Variants in FAM120A observed in about 807,000 individuals in gnomAD.
The protein encoded by FAM120A is constitutive coactivator of PPAR-gamma-like protein 1.
FAM120A carries 15 observed loss-of-function variants against 109.7 expected under a neutral mutation model. That is an observed-to-expected ratio of 0.14 (90% CI 0.09 to 0.21). The LOEUF is 0.21. Ranked by LOEUF, FAM120A falls within the 10% of genes least tolerant of loss-of-function variation. FAM120A has a pLI of 1.00. For synonymous variants in FAM120A, 493 were observed against 572.8 expected, an observed-to-expected ratio of 0.86 and a Z score of 1.99; for missense variants, 899 against 1,439.3, an observed-to-expected ratio of 0.62 and a Z score of 6.07.
In FAM120A at chr9:93,452,029, G is replaced by A. The variant is rs1372492919; in HGVS notation, c.114G>A (p.Arg38=). The A allele has an allele frequency of 2.6e-6, 4 of 1,563,804 alleles. No individual in the cohort carries two copies. The highest frequency in any genetic ancestry group is 1.4e-5 in the African/African-American group (1 of 73,940). Residue 38 remains arginine, a synonymous_variant, in exon 1 of 18, where the codon CGG becomes CGA. Transcript: ENST00000277165. The surrounding 1 kb of genome is among the most constrained non-coding windows in gnomAD (Gnocchi z 7.0). ...GCCTGGTGGGCGGCGGGCGGCAGCGGCCCCCGCAGACCCCGCTGCGCCTGC... is the reference window on the plus strand; with the variant it reads ...GCCTGGTGGGCGGCGGGCGGCAGCGACCCCCGCAGACCCCGCTGCGCCTGC... ...RGSLVGGGRQ[R]PPQTPLRLLV...
intron 7 of FAM120A, among the ~76,000 whole-genome samples, chr9:93,526,646 C>T (rs1405408787): frequency 6.6e-6 from 1 of 152,200 alleles, no homozygotes; most frequent in East Asian, 1.9e-4. Flanking sequence ...TCAGATTTTC[C>T]AGTTCGAGTC....
intron 7 of FAM120A, among the ~76,000 whole-genome samples, chr9:93,519,362 C>G (rs1468164768): frequency 6.6e-6 from 1 of 152,088 alleles, no homozygotes; most frequent in Non-Finnish European, 1.5e-5. Flanking sequence ...CTGCCCCAGC[C>G]TCCTGACTAG....
At chr9:93,548,287 T>C (rs563435600) in intron 11 of FAM120A, among the ~76,000 whole-genome samples, 1 of 152,108 alleles carries the variant, frequency 6.6e-6, no homozygotes, top group South Asian at 2.1e-4. Flanking sequence ...TGTTTTTGTA[T>C]TTTTAGTAGA....
intron 12 of FAM120A, 140 bp downstream of exon 12, chr9:93,550,831 T>A (rs1263373685): frequency 1.7e-6 from 1 of 604,802 alleles, no homozygotes; most frequent in South Asian, 2.1e-5. Context: ...ACTAATATGA[T>A]AAGAACTTGA....
chr9:93,476,146 A>T (rs962149721), intron 2 of FAM120A, 110 bp from the exon 3 acceptor site: 1 of 651,684 alleles, frequency 1.5e-6, no homozygotes, highest in Non-Finnish European at 2.7e-6. Context: ...ATTTGTTCTC[A>T]GTTTCTGTTT....
chr9:93,505,199 T>G (rs532473225), intron 5 of FAM120A, among the ~76,000 whole-genome samples: 2 of 152,118 alleles, frequency 1.3e-5, no homozygotes, highest in East Asian at 3.9e-4. Flanking sequence ...TAGCTGGGAC[T>G]ACAGGCACTC....
intron 10 of FAM120A, among the ~76,000 whole-genome samples, chr9:93,542,625 G>A (rs1420673321): frequency 6.6e-6 from 1 of 152,176 alleles, no homozygotes; most frequent in Non-Finnish European, 1.5e-5. Context: ...GAATTACTGT[G>A]TGCTGGCATC....
chr9:93,522,576 T>C (rs796762345), intron 7 of FAM120A, among the ~76,000 whole-genome samples: 2 of 152,346 alleles, frequency 1.3e-5, no homozygotes, highest in African/African-American at 4.8e-5. Flanking sequence ...CTTTAATATT[T>C]TTGCATAAAA....
chr9:93,473,748 G>A (rs1858419985), intron 2 of FAM120A, among the ~76,000 whole-genome samples: 1 of 152,208 alleles, frequency 6.6e-6, no homozygotes, highest in Non-Finnish European at 1.5e-5. Context: ...GAACTCTTGT[G>A]CCTTTGGGGA....
At chr9:93,453,321 A>G in intron 1 of FAM120A, 1 of 986,710 alleles carries the variant, frequency 1.0e-6, no homozygotes, top group South Asian at 4.6e-5. Context: ...GCACTGGGCC[A>G]GAGGAGAACT....
chr9:93,552,372 T>C (rs1288853115), intron 12 of FAM120A, among the ~76,000 whole-genome samples: 1 of 152,228 alleles, frequency 6.6e-6, no homozygotes, highest in African/African-American at 2.4e-5. Flanking sequence ...TGTAGAGATA[T>C]GCTCAGAAAG....
rs1260715283 is a variant in FAM120A at position 93,532,428 on chromosome 9, G to A, written c.1909+99G>A. 2.5e-5 allele frequency: 34 copies of A among 1,387,392 alleles called. No individual in the cohort carries two copies. The highest frequency in any genetic ancestry group is 2.3e-4 in the Middle Eastern group (1 of 4,386). The allele number at this position is 1,387,392 out of a possible 1,614,324, so 85.9% of individuals were successfully genotyped here. On this transcript the variant is annotated intron_variant, in intron 10 of 17. Transcript: ENST00000277165. The surrounding 1 kb of genome is among the most constrained non-coding windows in gnomAD (Gnocchi z 4.3). ...GAAGAATCATGACTGAGTTGACCCC[G>A]AGTGCCTCTGTGTAAAGGAGGTGGG...
rs187200231 is a variant in FAM120A at position 93,461,266 on chromosome 9, G to A, written c.474+8877G>A. ...TATACTAGAGGGTTTATTGCTGGAG[G>A]GTTGACTTCACAGGTCTGAAGTACA... On this transcript the variant is annotated intron_variant, in intron 1 of 17. Coordinates refer to ENST00000277165, the MANE Select transcript of FAM120A (RefSeq NM_014612.5). Among the ~76,000 whole-genome samples the A allele has an allele frequency of 1.1e-4, 17 of 152,284 alleles. No individual in the cohort carries two copies. In the East Asian group the frequency reaches 2.9e-3, roughly 26 times the overall value.
At chr9:93,474,814 C>T (rs759602408) in intron 2 of FAM120A, among the ~76,000 whole-genome samples, 2 of 152,146 alleles carry the variant, frequency 1.3e-5, no homozygotes, top group Admixed American at 6.5e-5. Flanking sequence ...AGGATGGTCT[C>T]GATCTCCTGA....
chr9:93,513,336 C>T (rs140129309), intron 5 of FAM120A, among the ~76,000 whole-genome samples: 14 of 152,276 alleles, frequency 9.2e-5, no homozygotes, highest in African/African-American at 2.4e-4. Flanking sequence ...CATGCATGCA[C>T]GTGTGGGGTG....
Position 93,498,765 on chromosome 9 carries a change from G to A in FAM120A, c.934-25G>A. 7.2e-7 allele frequency: 1 copy of A among 1,391,080 alleles called. No homozygotes were observed. Among genetic ancestry groups the A allele is most frequent in the Non-Finnish European group, 1.0e-6 (1 of 976,786 alleles). 86.2% of individuals were successfully genotyped at this position (1,391,080 alleles called of 1,614,324 possible). A position where few individuals can be genotyped will look rare whatever the true frequency, so the allele number is the denominator to read the frequency against. On this transcript the variant is annotated intron_variant, in intron 4 of 17. Transcript: ENST00000277165. The surrounding 1 kb of genome is among the most constrained non-coding windows in gnomAD (Gnocchi z 4.4). The stretch of plus-strand genomic sequence containing the variant: ...CATGACCAGTGGCACACTAATTTAT[G>A]AAGGTTTTCCTGCCTTTATTTCAGT...
chr9:93,493,178 A>G (rs1160388318), intron 3 of FAM120A, among the ~76,000 whole-genome samples: 1 of 152,238 alleles, frequency 6.6e-6, no homozygotes, highest in African/African-American at 2.4e-5. Flanking sequence ...ATTAAACCAC[A>G]AAGGTTAGGA....
intron 1 of FAM120A, among the ~76,000 whole-genome samples, chr9:93,463,391 C>G (rs1387652758): frequency 6.6e-6 from 1 of 152,134 alleles, no homozygotes; most frequent in Non-Finnish European, 1.5e-5. Flanking sequence ...ATAAGATAAG[C>G]TTATTCAGCT....
chr9:93,548,429 G>T (rs1029249060), intron 11 of FAM120A, among the ~76,000 whole-genome samples: 3 of 152,130 alleles, frequency 2.0e-5, no homozygotes, highest in African/African-American at 7.2e-5. Flanking sequence ...AGGTAGGGAA[G>T]ACTGGGGAGT....
Sources: gnomAD v4.1 joint callset for allele counts (sites outside exome capture counted in the v4.1 genomes callset) on GRCh38, gnomAD v4.1.1 for gene constraint, Gnocchi (gnomAD v3.1) non-coding constraint, MANE v1.5 for transcripts, NCBI Gene and HGNC (gene_info 2026-07-23, HGNC 2026-07-21) for gene names.